The following PKHD1 variants were observed in gnomAD, a reference collection of about 807,000 sequenced individuals.
PKHD1 encodes the protein fibrocystin.
PKHD1 carries 291 observed loss-of-function variants against 412.0 expected under a neutral mutation model. The observed-to-expected ratio is 0.71, with a 90% CI of 0.64 to 0.78. PKHD1 has a LOEUF of 0.78. Among genes scored for constraint, PKHD1 ranks in the 30% least tolerant of loss-of-function variants. PKHD1 has a pLI of 0.00. For missense variants in PKHD1, 4,825 were observed against 4,950.7 expected, an observed-to-expected ratio of 0.97 and a Z score of 0.76; for synonymous variants, 1,777 against 1,821.5, an observed-to-expected ratio of 0.98 and a Z score of 0.62.
chr6:52,072,201 A>C lies in PKHD1; in HGVS notation c.528-12T>G, dbSNP rs1231110596. 1 of 1,550,620 alleles carries C rather than the reference A, an allele frequency of 6.4e-7. No homozygotes were observed. Among genetic ancestry groups the C allele is most frequent in the Non-Finnish European group, 8.9e-7 (1 of 1,122,998 alleles). ...CCAAGATCACTGGGCTGGATTTAAA[A>C]AAAAATGAAAACAAAAGACAAGAGA... On this transcript the variant is annotated splice_polypyrimidine_tract_variant and intron_variant, in intron 7 of 66. Transcript: ENST00000371117.
At chr6:51,779,304 C>T (rs1791585332) in intron 53 of PKHD1, among the ~76,000 whole-genome samples, 1 of 152,088 alleles carries the variant, frequency 6.6e-6, no homozygotes, top group South Asian at 2.1e-4. Flanking sequence ...CCCCCTCTGC[C>T]TTCATTCCTG....
chr6:51,968,203 T>C (rs946879560), intron 35 of PKHD1, among the ~76,000 whole-genome samples: 7 of 152,140 alleles, frequency 4.6e-5, no homozygotes, highest in Non-Finnish European at 7.4e-5. Context: ...ACCATCTTCA[T>C]ACAATAGAAA....
At position 52,065,959 on chromosome 6, in the gene PKHD1, C is replaced by T; in HGVS notation, c.880+17G>A. ...TCTAAAACTATGAACTATTTTCAGC[C>T]ATTTCATCATAGTTACCTGCAATGG... On this transcript the variant is annotated intron_variant, in intron 12 of 66. Transcript: ENST00000371117. 8.7e-7 allele frequency: 1 copy of T among 1,153,458 alleles called. No homozygotes were observed. Among genetic ancestry groups the T allele is most frequent in the Non-Finnish European group, 1.3e-6 (1 of 759,214 alleles). 71.5% of individuals were successfully genotyped at this position (1,153,458 alleles called of 1,614,324 possible).
At chr6:51,867,647 G>T (rs1775294342) in intron 48 of PKHD1, among the ~76,000 whole-genome samples, 2 of 152,074 alleles carry the variant, frequency 1.3e-5, no homozygotes, top group Admixed American at 1.3e-4. Context: ...TATGAGATCT[G>T]GTCCAAAGAT....
rs1465911667 is a variant in PKHD1, at chr6:52,018,111, C to G, written c.5381-482G>C. 2.6e-5 allele frequency among the ~76,000 whole-genome samples: 4 copies of G among 152,178 alleles called. No homozygotes were observed. In the East Asian group the frequency reaches 7.7e-4, roughly 29 times the overall value. On this transcript the variant is annotated intron_variant, in intron 33 of 66. Coordinates refer to ENST00000371117, the MANE Select transcript of PKHD1 (RefSeq NM_138694.4). The stretch of plus-strand genomic sequence containing the variant: ...ATATTTTCAAGATTTATCCACATTA[C>G]TACATATAACTATTGTTAATACATT...
chr6:51,862,469 GT>G (rs1296136913), intron 48 of PKHD1, among the ~76,000 whole-genome samples: 3 of 152,298 alleles, frequency 2.0e-5, no homozygotes, highest in Admixed American at 2.0e-4. Context: ...TCACAGGGTT[GT>G]TTTTTAAGGA....
chr6:52,083,092 G>C, intron 3 of PKHD1, 86 bp downstream of exon 3: 1 of 948,004 alleles, frequency 1.1e-6, no homozygotes, highest in Non-Finnish European at 1.7e-6. Context: ...CCTGTCCTTA[G>C]AAAAGGAAGA....
At chr6:51,753,374 G>A (rs757534054) in intron 56 of PKHD1, 21 bp from the exon 57 acceptor site, 1 of 1,609,800 alleles carries the variant, frequency 6.2e-7, no homozygotes, top group East Asian at 2.2e-5. Context: ...AGGAGTTGTG[G>A]GAAAAAAAAA....
At chr6:51,824,850 C>T (rs552115029) in intron 52 of PKHD1, among the ~76,000 whole-genome samples, 5 of 152,270 alleles carry the variant, frequency 3.3e-5, no homozygotes, top group African/African-American at 7.2e-5. Context: ...CAACAACTAC[C>T]GTCCATTCCC....
chr6:52,008,214 G>C (rs1179531270), intron 35 of PKHD1, among the ~76,000 whole-genome samples: 1 of 152,138 alleles, frequency 6.6e-6, no homozygotes, highest in African/African-American at 2.4e-5. Context: ...GGGTTATGAG[G>C]CCAGATAACT....
rs573784969 is a variant in PKHD1 at position 51,725,922 on chromosome 6, T to G, written c.10156+18463A>C. Among the ~76,000 whole-genome samples the G allele has an allele frequency of 3.9e-5, 6 of 152,304 alleles. No individual in the cohort carries two copies. The South Asian group carries it at 1.2e-3, about 32-fold the overall frequency. ...TTTTGCAAAACCCAGGAGGCCATAT[T>G]TTAGCATTGTTGTTTTGTTGATGAG... On this transcript the variant is annotated intron_variant, in intron 60 of 66. Transcript: ENST00000371117.
At chr6:52,058,777 C>CTATCTATG (rs1296683903) in intron 15 of PKHD1, among the ~76,000 whole-genome samples, 176 bp from the exon 16 acceptor site, 1 of 146,008 alleles carries the variant, frequency 6.8e-6, no homozygotes, top group Non-Finnish European at 1.5e-5. Flanking sequence ...AGCTCTCTAT[C>CTATCTATG]TATCTATCTA....
rs574970768 is a variant in PKHD1 at position 51,916,431 on chromosome 6, C to T, written c.6122-3855G>A. On this transcript the variant is annotated intron_variant, in intron 37 of 66. Transcript: ENST00000371117. ...TTTAACAGATTGTACAGATAGGAAA[C>T]TATGATTCTTCAAGGACAAGATTAT... 3.9e-5 allele frequency among the ~76,000 whole-genome samples: 6 copies of T among 152,148 alleles called. No homozygotes were observed. In the South Asian group the frequency reaches 1.2e-3, roughly 32 times the overall value.
chr6:52,027,548 AAGAAGAAGAAG>A (rs1802394532), intron 31 of PKHD1, among the ~76,000 whole-genome samples: 1 of 134,370 alleles, frequency 7.4e-6, no homozygotes, highest in Admixed American at 7.8e-5. Flanking sequence ...AAAAAAAAAA[AAGAAGAAGAAG>A]AAGAAGGAGA....
At position 51,748,457 on chromosome 6, in the gene PKHD1, T is replaced by C. The variant is rs370346770; in HGVS notation, c.9159A>G (p.Leu3053=). Residue 3053 remains leucine (L), a synonymous_variant, in exon 58 of 67, where the codon TTA becomes TTG. Transcript: ENST00000371117. The part of the protein sequence containing the change: ...VFGTAGHGID[L]EGQAYTVTNN... ...TAGTGACAGTATAGGCCTGACCCTC[T>C]AAATCTATGCCATGGCCAGCTGTGC... is the stretch of plus-strand genomic sequence containing the variant. 2.5e-6 allele frequency: 4 copies of C among 1,613,996 alleles called. No individual in the cohort carries two copies. Among genetic ancestry groups the C allele is most frequent in the South Asian group, 1.1e-5 (1 of 91,082 alleles).
At chr6:52,080,227 T>A (rs1331134776) in intron 4 of PKHD1, among the ~76,000 whole-genome samples, 1 of 152,184 alleles carries the variant, frequency 6.6e-6, no homozygotes, top group African/African-American at 2.4e-5. Context: ...GTGTTGAAAC[T>A]CCCTGAATTG....
chr6:51,782,161 T>C (rs1792139040), intron 53 of PKHD1, among the ~76,000 whole-genome samples: 1 of 152,024 alleles, frequency 6.6e-6, no homozygotes, highest in Non-Finnish European at 1.5e-5. Flanking sequence ...TTAAAAATTA[T>C]TAAAATAGGA....
At chr6:52,082,196 C>A (rs1812135454) in intron 4 of PKHD1, among the ~76,000 whole-genome samples, 196 bp downstream of exon 4, 1 of 152,170 alleles carries the variant, frequency 6.6e-6, no homozygotes, top group Non-Finnish European at 1.5e-5. Context: ...AGTTCTTCCC[C>A]ATACTCTCAT....
At chr6:51,811,045 C>T (rs1197522578) in intron 52 of PKHD1, among the ~76,000 whole-genome samples, 1 of 152,112 alleles carries the variant, frequency 6.6e-6, no homozygotes, top group East Asian at 1.9e-4. Context: ...TGAGATTAGC[C>T]TTTAATTTTC....
Sources: allele counts gnomAD v4.1 joint callset (sites outside exome capture counted in the v4.1 genomes callset), GRCh38; gene constraint gnomAD v4.1.1; transcripts MANE v1.5; gene names NCBI Gene and HGNC (gene_info 2026-07-23, HGNC 2026-07-21).